Variants in DLGAP1 observed in about 807,000 individuals in gnomAD.
DLGAP1 encodes the protein disks large-associated protein 1.
A neutral mutation model predicts 90.8 loss-of-function variants in DLGAP1; 11 were observed. The ratio of observed to expected loss-of-function variants is 0.12; its 90% CI spans 0.08 to 0.20. The LOEUF is 0.20. Among genes scored for constraint, DLGAP1 ranks in the 10% least tolerant of loss-of-function variants. DLGAP1 has a pLI of 1.00. For missense variants in DLGAP1, 1,050 were observed against 1,333.8 expected (o/e 0.79, Z 3.31); for synonymous variants, 558 against 540.7 (o/e 1.03, Z -0.44).
chr18:3,579,837 C>T (rs1199118031), intron 8 of DLGAP1, among the ~76,000 whole-genome samples: 1 of 152,210 alleles, frequency 6.6e-6, no homozygotes, highest in Non-Finnish European at 1.5e-5. Context: ...ATTCTTTCCT[C>T]ATGATGCTGT....
intron 1 of DLGAP1, among the ~76,000 whole-genome samples, chr18:4,187,855 G>A (rs192056245): frequency 2.6e-5 from 4 of 152,104 alleles, no homozygotes; most frequent in African/African-American, 9.6e-5. Flanking sequence ...AAATTAGCCA[G>A]GTGTGGTGGT....
intron 1 of DLGAP1, among the ~76,000 whole-genome samples, chr18:4,421,658 A>C (rs1179248735): frequency 6.6e-6 from 1 of 152,152 alleles, no homozygotes; most frequent in Non-Finnish European, 1.5e-5. Context: ...TGGCAAAGTC[A>C]AGCAAAAGTC....
intron 7 of DLGAP1, among the ~76,000 whole-genome samples, chr18:3,637,804 T>A (rs2058772164): frequency 6.6e-6 from 1 of 151,462 alleles, no homozygotes; most frequent in African/African-American, 2.4e-5. Flanking sequence ...ATACACAGAG[T>A]TTTGTTAAAA....
intron 1 of DLGAP1, among the ~76,000 whole-genome samples, chr18:4,190,633 T>A (rs187949744): frequency 6.6e-6 from 1 of 152,232 alleles, no homozygotes; most frequent in East Asian, 1.9e-4. Context: ...GAAGGGATTA[T>A]ATGGGAACTT....
chr18:4,430,003 A>G (rs1375680807), intron 1 of DLGAP1, among the ~76,000 whole-genome samples: 1 of 152,104 alleles, frequency 6.6e-6, no homozygotes, highest in Non-Finnish European at 1.5e-5. Flanking sequence ...AGCAAAATCC[A>G]ACAAAAAGAA....
chr18:3,750,674 C>T lies in DLGAP1; in HGVS notation c.1173-8162G>A, dbSNP rs568907265. Among the ~76,000 whole-genome samples the T allele has an allele frequency of 7.8e-4, 119 of 152,288 alleles. 1 individual carries two copies. The highest frequency in any genetic ancestry group is 2.5e-3 in the African/African-American group (105 of 41,554). On this transcript the variant is annotated intron_variant, in intron 5 of 12. Transcript: ENST00000315677. ...TGCTAGTTACTTCGACACTCTCTTA[C>T]GGAGGCTCCTTGGGTGAATCCTCTT...
chr18:3,822,999 G>A (rs1009771499), intron 4 of DLGAP1, among the ~76,000 whole-genome samples: 3 of 152,144 alleles, frequency 2.0e-5, no homozygotes, highest in African/African-American at 7.2e-5. Context: ...GTATGATGTA[G>A]GGACAGGAAG....
At chr18:3,957,252 A>G (rs1221045049) in intron 3 of DLGAP1, among the ~76,000 whole-genome samples, 1 of 152,210 alleles carries the variant, frequency 6.6e-6, no homozygotes, top group Non-Finnish European at 1.5e-5. Context: ...AGAAGGAGCC[A>G]GGAGCCAAGG....
At position 3,976,229 on chromosome 18, in the gene DLGAP1, A is replaced by AATAATAATTG. The variant is rs1447789134; in HGVS notation, c.-73+28886_-73+28887insCAATTATTAT. 4.4e-3 allele frequency among the ~76,000 whole-genome samples: 653 copies of AATAATAATTG among 149,640 alleles called. 4 individuals are homozygous for AATAATAATTG. Among genetic ancestry groups the AATAATAATTG allele is most frequent in the African/African-American group, 0.014 (549 of 40,542 alleles). On this transcript the variant is annotated intron_variant, in intron 3 of 12. Transcript: ENST00000315677. Reference sequence around the variant, plus strand: ...AATAATAATAATAATAACGATAATTAGCCAGGTGTGGTGGTGCATGCCTGT... The same window carrying AATAATAATTG: ...AATAATAATAATAATAACGATAATTAATAATAATTGGCCAGGTGTGGTGGTGCATGCCTGT...
At chr18:4,012,718 C>CT (rs553319955) in intron 2 of DLGAP1, among the ~76,000 whole-genome samples, 23,937 of 141,870 alleles carry the variant, frequency 0.17, 2,026 homozygotes, top group Middle Eastern at 0.21. Flanking sequence ...TGCTCCTGTT[C>CT]TTTTTTTTTT....
chr18:4,046,184 C>T (rs149015222), intron 2 of DLGAP1, among the ~76,000 whole-genome samples: 6 of 152,272 alleles, frequency 3.9e-5, no homozygotes, highest in South Asian at 4.1e-4. Flanking sequence ...TGAACAAAAT[C>T]GTGCAGTTTT....
intron 3 of DLGAP1, among the ~76,000 whole-genome samples, chr18:3,961,533 G>A (rs1321709583): frequency 6.6e-6 from 1 of 150,508 alleles, no homozygotes; most frequent in African/African-American, 2.5e-5. Context: ...TCCCACACCT[G>A]GATCCACACC....
rs2065441968 is a variant in DLGAP1, at chr18:3,786,226, T to G, written c.1172+27833A>C. On this transcript the variant is annotated intron_variant, in intron 5 of 12. Transcript: ENST00000315677. ...AATTCACAGGTTCTAGGGATTGGGA[T>G]TTAGACATCTTTGGGGGGCATTATT... Among the ~76,000 whole-genome samples the G allele has an allele frequency of 3.9e-5, 6 of 152,152 alleles. No homozygotes were observed. In the South Asian group the frequency reaches 1.2e-3, roughly 32 times the overall value.
At chr18:3,765,332 A>T (rs192097997) in intron 5 of DLGAP1, among the ~76,000 whole-genome samples, 6 of 149,752 alleles carry the variant, frequency 4.0e-5, no homozygotes, top group East Asian at 4.1e-4. Flanking sequence ...GGGTTTCACC[A>T]TGTTAGCCAG....
intron 1 of DLGAP1, among the ~76,000 whole-genome samples, chr18:4,158,198 G>A (rs59805622): frequency 0.025 from 3,753 of 152,202 alleles, 166 homozygotes; most frequent in African/African-American, 0.084. Context: ...TGCTGATTGT[G>A]CATGCAAAGC....
At chr18:3,961,748 C>T (rs760732928) in intron 3 of DLGAP1, among the ~76,000 whole-genome samples, 1 of 152,186 alleles carries the variant, frequency 6.6e-6, no homozygotes, top group African/African-American at 2.4e-5. Flanking sequence ...ACTGGGAATT[C>T]TACCATCCCA....
chr18:4,342,187 C>T lies in DLGAP1; in HGVS notation c.-267+112819G>A, dbSNP rs892036223. ...CTCAAAGTGGTAGTCTCTTCTGACA[C>T]CCAGTTTGGCAGTAGGGTGTTTCTA... is the stretch of plus-strand genomic sequence containing the variant. On this transcript the variant is annotated intron_variant, in intron 1 of 12. Transcript: ENST00000315677. The surrounding 1 kb of genome is among the most constrained non-coding windows in gnomAD (Gnocchi z 5.8). Among the ~76,000 whole-genome samples the T allele has an allele frequency of 2.6e-5, 4 of 152,092 alleles. No individual in the cohort carries two copies. Among genetic ancestry groups the T allele is most frequent in the African/African-American group, 9.7e-5 (4 of 41,404 alleles).
chr18:4,320,463 C>T (rs1418929789), intron 1 of DLGAP1, among the ~76,000 whole-genome samples: 1 of 152,156 alleles, frequency 6.6e-6, no homozygotes, highest in Non-Finnish European at 1.5e-5. Context: ...TTTAACACAG[C>T]CCCACAGTAC....
chr18:3,599,994 A>G (rs959326000), intron 7 of DLGAP1, among the ~76,000 whole-genome samples: 2 of 151,260 alleles, frequency 1.3e-5, no homozygotes, highest in African/African-American at 4.9e-5. Context: ...ATCATGGCTC[A>G]CTACATCCTC....
Sources: gnomAD v4.1 joint callset for allele counts (sites outside exome capture counted in the v4.1 genomes callset) on GRCh38, gnomAD v4.1.1 for gene constraint, Gnocchi (gnomAD v3.1) non-coding constraint, MANE v1.5 for transcripts, NCBI Gene and HGNC (gene_info 2026-07-23, HGNC 2026-07-21) for gene names.